Variants in BBS9 observed in about 807,000 individuals in gnomAD.
The protein encoded by BBS9 is protein PTHB1.
BBS9 carries 89 observed loss-of-function variants against 117.7 expected under a neutral mutation model. The ratio of observed to expected loss-of-function variants is 0.76; its 90% CI spans 0.64 to 0.90. BBS9 has a LOEUF of 0.90. Ranked by LOEUF, BBS9 falls within the 40% of genes least tolerant of loss-of-function variation. The pLI, the probability that BBS9 is intolerant of heterozygous loss-of-function variation, is 0.00. For missense variants in BBS9, 982 were observed against 1,042.2 expected, an observed-to-expected ratio of 0.94 and a Z score of 0.80; for synonymous variants, 379 against 370.9, an observed-to-expected ratio of 1.02 and a Z score of -0.25.
intron 19 of BBS9, among the ~76,000 whole-genome samples, chr7:33,485,246 T>C (rs1029176028): frequency 2.0e-5 from 3 of 152,012 alleles, no homozygotes; most frequent in Non-Finnish European, 4.4e-5. Flanking sequence ...ATGGCACACA[T>C]TTATTTACCT....
chr7:33,534,435 T>C, intron 21 of BBS9: 1 of 526,676 alleles, frequency 1.9e-6, no homozygotes, highest in Non-Finnish European at 3.4e-6. Flanking sequence ...TTTGTTTTGC[T>C]TCTAACTAAT....
At chr7:33,354,400 G>A (rs1394335206) in intron 15 of BBS9, among the ~76,000 whole-genome samples, 1 of 152,100 alleles carries the variant, frequency 6.6e-6, no homozygotes. Flanking sequence ...TCCCATAAGG[G>A]TTAGTCTCCA....
At chr7:33,136,313 T>C (rs1790452866) in intron 1 of BBS9, among the ~76,000 whole-genome samples, 1 of 152,220 alleles carries the variant, frequency 6.6e-6, no homozygotes, top group Admixed American at 6.5e-5. Context: ...AAAGATAGTT[T>C]TACTTCTTTT....
intron 17 of BBS9, among the ~76,000 whole-genome samples, chr7:33,369,411 A>G (rs1290358573): frequency 6.6e-6 from 1 of 152,214 alleles, no homozygotes; most frequent in Admixed American, 6.5e-5. Flanking sequence ...GATGTTGCCC[A>G]CGATTACCTT....
chr7:33,456,617 C>A (rs1252811108), intron 19 of BBS9, among the ~76,000 whole-genome samples: 1 of 151,744 alleles, frequency 6.6e-6, no homozygotes, highest in African/African-American at 2.4e-5. Flanking sequence ...TTCCCCTCTC[C>A]CCTAAGTATT....
chr7:33,222,952 C>CAA (rs1417016025), intron 5 of BBS9, among the ~76,000 whole-genome samples: 4,760 of 125,492 alleles, frequency 0.038, 207 homozygotes, highest in African/African-American at 0.11. Context: ...GACCCTGTCT[C>CAA]AAAAAAAAAA....
chr7:33,182,193 A>G (rs1260377579), intron 5 of BBS9, among the ~76,000 whole-genome samples: 1 of 152,210 alleles, frequency 6.6e-6, no homozygotes, highest in Non-Finnish European at 1.5e-5. Context: ...TCTTTTTTCA[A>G]AAGCACATTT....
intron 19 of BBS9, among the ~76,000 whole-genome samples, chr7:33,453,467 C>T (rs1046941289): frequency 6.6e-6 from 1 of 152,010 alleles, no homozygotes; most frequent in Non-Finnish European, 1.5e-5. Flanking sequence ...AGGATAAAGA[C>T]CTTTATGATG....
At chr7:33,435,599 TG>T (rs1835184154) in intron 19 of BBS9, among the ~76,000 whole-genome samples, 1 of 152,134 alleles carries the variant, frequency 6.6e-6, no homozygotes, top group Non-Finnish European at 1.5e-5. Context: ...GCAATATAGA[TG>T]CATCAATAGA....
Position 33,344,635 on chromosome 7 carries a change from G to T in BBS9, c.1329+1G>T. 9.9e-6 allele frequency: 16 copies of T among 1,613,778 alleles called. No individual in the cohort carries two copies. The highest frequency in any genetic ancestry group is 1.4e-5 in the Non-Finnish European group (16 of 1,179,778). On this transcript the variant is annotated splice_donor_variant, in intron 12 of 22. Coordinates refer to ENST00000242067, the MANE Select transcript of BBS9 (RefSeq NM_198428.3). LOFTEE classifies it high-confidence loss of function. ...CCTTGTCCCTTCTGTCACGGTGAAG[G>T]TATTGTACCAGATTTTAGACTGTAA...
intron 19 of BBS9, among the ~76,000 whole-genome samples, chr7:33,497,583 C>A (rs1844903711): frequency 6.6e-6 from 1 of 152,058 alleles, no homozygotes; most frequent in Admixed American, 6.6e-5. Flanking sequence ...AAAAGAAGAA[C>A]AAGCAATGTC....
intron 21 of BBS9, among the ~76,000 whole-genome samples, chr7:33,626,095 G>A (rs773087306): frequency 1.3e-5 from 2 of 152,104 alleles, no homozygotes; most frequent in Non-Finnish European, 2.9e-5. Flanking sequence ...ACATGGGGGT[G>A]GACTTCCCCC....
chr7:33,184,849 G>A (rs1355604689), intron 5 of BBS9, among the ~76,000 whole-genome samples: 1 of 152,178 alleles, frequency 6.6e-6, no homozygotes, highest in Non-Finnish European at 1.5e-5. Context: ...TAAAAGAATG[G>A]CTACTCCATT....
intron 21 of BBS9, among the ~76,000 whole-genome samples, chr7:33,581,347 A>G (rs1374917074): frequency 6.6e-6 from 1 of 152,154 alleles, no homozygotes; most frequent in African/African-American, 2.4e-5. Flanking sequence ...TATAAACGTT[A>G]TGACTGTGGC....
At chr7:33,189,689 C>T (rs1294842458) in intron 5 of BBS9, among the ~76,000 whole-genome samples, 1 of 151,418 alleles carries the variant, frequency 6.6e-6, no homozygotes, top group Non-Finnish European at 1.5e-5. Flanking sequence ...AGATCAAGAC[C>T]ATCCTGGCCA....
chr7:33,206,672 CA>C lies in BBS9; in HGVS notation c.442+29082del, dbSNP rs1390976170. ...GAAATATTCTTATATAACCACAGTA[CA>C]GTTATCAGTTTCCCAAAATTACATT... On this transcript the variant is annotated intron_variant, in intron 5 of 22. Coordinates refer to ENST00000242067, the MANE Select transcript of BBS9 (RefSeq NM_198428.3). 3.9e-5 allele frequency among the ~76,000 whole-genome samples: 6 copies of C among 152,104 alleles called. No individual in the cohort carries two copies. The East Asian group carries it at 9.6e-4, about 24-fold the overall frequency.
chr7:33,576,474 AT>A (rs1291054570), intron 21 of BBS9, among the ~76,000 whole-genome samples: 2 of 152,208 alleles, frequency 1.3e-5, no homozygotes, highest in African/African-American at 4.8e-5. Flanking sequence ...GAAAATGGCC[AT>A]GCTGACCAAG....
At chr7:33,489,599 G>C (rs1334388250) in intron 19 of BBS9, among the ~76,000 whole-genome samples, 1 of 152,078 alleles carries the variant, frequency 6.6e-6, no homozygotes, top group Non-Finnish European at 1.5e-5. Context: ...ATGGTGGCCA[G>C]TTCCCCAATA....
intron 5 of BBS9, among the ~76,000 whole-genome samples, chr7:33,186,872 G>T (rs1283409436): frequency 6.6e-6 from 1 of 152,104 alleles, no homozygotes; most frequent in African/African-American, 2.4e-5. Context: ...TTAGTGAGTA[G>T]CATAAGCATA....
Sources: gnomAD v4.1 joint callset for allele counts (sites outside exome capture counted in the v4.1 genomes callset) on GRCh38, gnomAD v4.1.1 for gene constraint, MANE v1.5 for transcripts, NCBI Gene and HGNC (gene_info 2026-07-23, HGNC 2026-07-21) for gene names.